UBE2E3: variants seen among roughly 807,000 people sequenced by gnomAD.
UBE2E3 encodes ubiquitin-conjugating enzyme E2 E3.
UBE2E3 carries 5 observed loss-of-function variants against 23.6 expected under a neutral mutation model. The ratio of observed to expected loss-of-function variants is 0.21; its 90% CI spans 0.11 to 0.44. The LOEUF is 0.44. Ranked by LOEUF, UBE2E3 falls within the 20% of genes least tolerant of loss-of-function variation. The pLI is 0.99. For missense variants in UBE2E3, 81 were observed against 249.8 expected (o/e 0.32, Z 4.55); for synonymous variants, 78 against 87.5 (o/e 0.89, Z 0.60).
intron 4 of UBE2E3, among the ~76,000 whole-genome samples, chr2:181,060,103 C>T (rs1235212674): frequency 6.6e-6 from 1 of 151,554 alleles, no homozygotes; most frequent in Admixed American, 6.6e-5. Flanking sequence ...GACAGTGAAC[C>T]AGCTGTAGAA....
In UBE2E3 at chr2:181,061,378, C is replaced by T. The variant is rs1320343862; in HGVS notation, c.526+566C>T. Among the ~76,000 whole-genome samples the T allele has an allele frequency of 8.3e-5, 11 of 132,750 alleles. 4 individuals carry two copies. Among genetic ancestry groups the T allele is most frequent in the Non-Finnish European group, 1.8e-4 (11 of 62,696 alleles). The allele number at this position is 132,750 out of a possible 152,430, so 87.1% of individuals were successfully genotyped here. ...GACCTCATGATCCACCCGCCTCGGC[C>T]TCCCAAAGTGCTGGGATTACAGGCG... On this transcript the variant is annotated intron_variant, in intron 5 of 5. Transcript: ENST00000410062.
chr2:181,043,345 CAT>C (rs761057870), intron 3 of UBE2E3, among the ~76,000 whole-genome samples: 13 of 152,198 alleles, frequency 8.5e-5, no homozygotes, highest in African/African-American at 1.4e-4. Flanking sequence ...AGATTGTCCA[CAT>C]GAGTGGCTGA....
chr2:180,985,252 C>T (rs965227568), intron 3 of UBE2E3, among the ~76,000 whole-genome samples: 1 of 152,056 alleles, frequency 6.6e-6, no homozygotes, highest in African/African-American at 2.4e-5. Flanking sequence ...TGTGAGATCT[C>T]AAAGTATTAC....
At chr2:181,019,423 T>C (rs1182471818) in intron 3 of UBE2E3, among the ~76,000 whole-genome samples, 2 of 152,244 alleles carry the variant, frequency 1.3e-5, no homozygotes, top group South Asian at 2.1e-4. Context: ...ATATAAACTT[T>C]TAAACTTTCA....
At chr2:181,038,551 C>T (rs1402879350) in intron 3 of UBE2E3, among the ~76,000 whole-genome samples, 1 of 151,932 alleles carries the variant, frequency 6.6e-6, no homozygotes, top group Non-Finnish European at 1.5e-5. Flanking sequence ...AATTTTATGC[C>T]CTTGGATTAA....
chr2:181,058,124 CTTAA>C (rs767598762), intron 4 of UBE2E3, among the ~76,000 whole-genome samples: 20 of 151,500 alleles, frequency 1.3e-4, no homozygotes, highest in South Asian at 2.1e-4. Context: ...TCATTAATAC[CTTAA>C]TTAATAATAC....
intron 3 of UBE2E3, among the ~76,000 whole-genome samples, chr2:181,023,582 C>T (rs186011082): frequency 1.3e-5 from 2 of 152,236 alleles, no homozygotes; most frequent in Admixed American, 6.5e-5. Flanking sequence ...TTAACACAGC[C>T]GCCTGATAGA....
intron 3 of UBE2E3, among the ~76,000 whole-genome samples, chr2:181,037,079 G>A (rs181530640): frequency 3.3e-4 from 51 of 152,312 alleles, no homozygotes; most frequent in Middle Eastern, 3.4e-3. Flanking sequence ...AGAAGATTAT[G>A]ATAGAGCTGA....
intron 3 of UBE2E3, among the ~76,000 whole-genome samples, chr2:181,034,516 G>A (rs1002512780): frequency 1.1e-4 from 17 of 152,278 alleles, no homozygotes; most frequent in African/African-American, 3.4e-4. Flanking sequence ...ATCACACACC[G>A]GGACCTACCG....
intron 3 of UBE2E3, among the ~76,000 whole-genome samples, chr2:181,057,000 C>T (rs56066931): frequency 0.028 from 4,232 of 151,590 alleles, 99 homozygotes; most frequent in African/African-American, 0.055. Context: ...CATGAGGAAA[C>T]ATGGCAAGCT....
intron 3 of UBE2E3, among the ~76,000 whole-genome samples, chr2:181,032,253 A>AT (rs1469652893): frequency 6.6e-6 from 1 of 152,184 alleles, no homozygotes; most frequent in Non-Finnish European, 1.5e-5. Flanking sequence ...GTAAAATAGA[A>AT]TATGGTCTTA....
At chr2:181,013,244 A>G (rs1412478795) in intron 3 of UBE2E3, among the ~76,000 whole-genome samples, 2 of 152,150 alleles carry the variant, frequency 1.3e-5, no homozygotes, top group African/African-American at 4.8e-5. Context: ...TTACCCCACA[A>G]TTTAGTGGCT....
chr2:181,000,468 G>A (rs960778138), intron 3 of UBE2E3, among the ~76,000 whole-genome samples: 2 of 152,068 alleles, frequency 1.3e-5, no homozygotes, highest in African/African-American at 4.8e-5. Flanking sequence ...TCTGTATTCA[G>A]CATAGCACAG....
chr2:181,021,562 T>TCCTCCCTCCCTTCCTCCCTCCCTC (rs1685681875), intron 3 of UBE2E3, among the ~76,000 whole-genome samples: 13 of 35,370 alleles, frequency 3.7e-4, no homozygotes, highest in Non-Finnish European at 6.8e-4. Flanking sequence ...CTCCCTTCCT[T>TCCTCCCTCCCTTCCTCCCTCCCTC]CCTTCCTTCC....
chr2:180,997,629 T>C (rs1386882801), intron 3 of UBE2E3, among the ~76,000 whole-genome samples: 1 of 152,182 alleles, frequency 6.6e-6, no homozygotes, highest in Admixed American at 6.5e-5. Flanking sequence ...TGGTTGTCTA[T>C]CAAAAGTACC....
chr2:181,036,148 A>G (rs1459140309), intron 3 of UBE2E3, among the ~76,000 whole-genome samples: 1 of 152,178 alleles, frequency 6.6e-6, no homozygotes, highest in Admixed American at 6.6e-5. Flanking sequence ...GAGGACTCAT[A>G]CTACTTGATT....
At chr2:181,032,935 T>C (rs1293162839) in intron 3 of UBE2E3, among the ~76,000 whole-genome samples, 4 of 152,040 alleles carry the variant, frequency 2.6e-5, no homozygotes, top group Non-Finnish European at 5.9e-5. Flanking sequence ...CACAATTGCT[T>C]CAAAGAGAAT....
chr2:180,995,180 C>G (rs1385722829), intron 3 of UBE2E3, among the ~76,000 whole-genome samples: 1 of 152,012 alleles, frequency 6.6e-6, no homozygotes, highest in East Asian at 1.9e-4. Flanking sequence ...TCGTGCAATA[C>G]TGTAAATAAC....
At chr2:181,023,341 T>G (rs1685767325) in intron 3 of UBE2E3, among the ~76,000 whole-genome samples, 1 of 152,236 alleles carries the variant, frequency 6.6e-6, no homozygotes, top group Non-Finnish European at 1.5e-5. Context: ...CTTGAATTTC[T>G]TAATCTTTCA....
Sources: gnomAD v4.1 joint callset for allele counts (sites outside exome capture counted in the v4.1 genomes callset) on GRCh38, gnomAD v4.1.1 for gene constraint, MANE v1.5 for transcripts, NCBI Gene and HGNC (gene_info 2026-07-23, HGNC 2026-07-21) for gene names.